Variants in GRM1 observed in about 807,000 individuals in gnomAD.
GRM1 encodes the protein metabotropic glutamate receptor 1.
In GRM1, 33 loss-of-function variants were observed where a neutral mutation model predicts 90.9. The observed-to-expected ratio is 0.36, with a 90% CI of 0.28 to 0.49. The LOEUF (loss-of-function observed/expected upper bound fraction) is 0.49, where lower values mean the gene tolerates loss of function less well. Among genes scored for constraint, GRM1 ranks in the 20% least tolerant of loss-of-function variants. GRM1 has a pLI of 0.99. For synonymous variants in GRM1, 700 were observed against 613.2 expected (o/e 1.14, Z -2.09); for missense variants, 1,190 against 1,534.3 (o/e 0.78, Z 3.75).
chr6:146,081,492 A>G (rs1776363058), intron 1 of GRM1, among the ~76,000 whole-genome samples: 1 of 152,140 alleles, frequency 6.6e-6, no homozygotes, highest in Non-Finnish European at 1.5e-5. Context: ...GCTTGGGGAC[A>G]TGTCACGGCA....
intron 3 of GRM1, among the ~76,000 whole-genome samples, chr6:146,333,562 T>C (rs1403699166): frequency 2.0e-5 from 3 of 152,168 alleles, no homozygotes; most frequent in African/African-American, 4.8e-5. Context: ...ATGACAGTTA[T>C]ATCTTACTCT....
chr6:146,265,443 G>A (rs917875190), intron 2 of GRM1, among the ~76,000 whole-genome samples: 6 of 152,288 alleles, frequency 3.9e-5, no homozygotes, highest in Admixed American at 2.6e-4. Context: ...TTTGTCAGAT[G>A]TATAATATGC....
At chr6:146,167,047 C>T (rs1777935143) in intron 2 of GRM1, among the ~76,000 whole-genome samples, 1 of 152,104 alleles carries the variant, frequency 6.6e-6, no homozygotes. Flanking sequence ...CTTAGTACCG[C>T]CTTGCAGTCT....
At chr6:146,397,061 G>A (rs575548200) in intron 6 of GRM1, among the ~76,000 whole-genome samples, 78 of 152,184 alleles carry the variant, frequency 5.1e-4, no homozygotes, top group Non-Finnish European at 1.0e-3. Flanking sequence ...AGGGGGTCCA[G>A]TGAGTGACCC....
At chr6:146,391,635 G>A (rs1776726796) in intron 6 of GRM1, among the ~76,000 whole-genome samples, 1 of 151,692 alleles carries the variant, frequency 6.6e-6, no homozygotes, top group South Asian at 2.1e-4. Context: ...TGACATTACA[G>A]CTAATTCCCT....
chr6:146,198,653 A>C (rs1474443114), intron 2 of GRM1, among the ~76,000 whole-genome samples: 1 of 152,164 alleles, frequency 6.6e-6, no homozygotes, highest in African/African-American at 2.4e-5. Context: ...CATCACAAGC[A>C]CCTACTTAAA....
intron 1 of GRM1, among the ~76,000 whole-genome samples, chr6:146,107,087 C>T (rs1233723024): frequency 6.6e-6 from 1 of 152,162 alleles, no homozygotes; most frequent in Non-Finnish European, 1.5e-5. Flanking sequence ...TGCAATCTCT[C>T]CCTTGACATC....
intron 5 of GRM1, among the ~76,000 whole-genome samples, chr6:146,363,539 T>C (rs1213508462): frequency 6.6e-6 from 1 of 152,218 alleles, no homozygotes; most frequent in Non-Finnish European, 1.5e-5. Flanking sequence ...AAGGTGAAAG[T>C]TGATCTCTAG....
chr6:146,064,255 A>G (rs923631210), intron 1 of GRM1, among the ~76,000 whole-genome samples: 4 of 152,214 alleles, frequency 2.6e-5, no homozygotes, highest in East Asian at 1.9e-4. Flanking sequence ...ATGTGTATCA[A>G]AAGTATAATT....
Position 146,029,500 on chromosome 6 carries a change from G to T in GRM1, c.-18G>T. 1 of 1,600,052 alleles carries T rather than the reference G, an allele frequency of 6.2e-7. No individual in the cohort carries two copies. The highest frequency in any genetic ancestry group is 1.1e-5 in the South Asian group (1 of 90,788). On this transcript the variant is annotated 5_prime_UTR_variant, in exon 1 of 8. Transcript: ENST00000282753. Reference sequence around the variant, plus strand: ...GTGGGAACGCGGCTGGCAGGCTGTGGACCTCGTCCTCACCACCATGGTCGG... The same window carrying T: ...GTGGGAACGCGGCTGGCAGGCTGTGTACCTCGTCCTCACCACCATGGTCGG...
intron 2 of GRM1, among the ~76,000 whole-genome samples, chr6:146,184,598 G>C (rs1759472858): frequency 6.6e-6 from 1 of 152,128 alleles, no homozygotes; most frequent in Non-Finnish European, 1.5e-5. Flanking sequence ...CCTGTGGTAA[G>C]CAAAGCACAG....
At chr6:146,432,997 A>C (rs1335452860) in intron 7 of GRM1, among the ~76,000 whole-genome samples, 1 of 152,234 alleles carries the variant, frequency 6.6e-6, no homozygotes, top group African/African-American at 2.4e-5. Flanking sequence ...TTTTCGTCTC[A>C]GTAACTGCTG....
intron 3 of GRM1, among the ~76,000 whole-genome samples, chr6:146,336,771 A>G (rs984779447): frequency 1.3e-5 from 2 of 152,142 alleles, no homozygotes; most frequent in African/African-American, 4.8e-5. Context: ...CCCATCTTGA[A>G]CCCAGTTCCA....
intron 1 of GRM1, among the ~76,000 whole-genome samples, chr6:146,113,769 A>C (rs1775646852): frequency 6.6e-6 from 1 of 152,322 alleles, no homozygotes; most frequent in South Asian, 2.1e-4. Context: ...AAATAAAAAT[A>C]TGATTCATTT....
intron 3 of GRM1, among the ~76,000 whole-genome samples, chr6:146,320,523 T>A (rs1784142159): frequency 6.6e-6 from 1 of 152,170 alleles, no homozygotes; most frequent in Admixed American, 6.5e-5. Context: ...TTGTTTGGAA[T>A]ATTTTCAGAA....
At chr6:146,038,487 CATT>C (rs142866900) in intron 1 of GRM1, among the ~76,000 whole-genome samples, 112 of 152,102 alleles carry the variant, frequency 7.4e-4, no homozygotes, top group African/African-American at 2.6e-3. Context: ...TGTAAGATGT[CATT>C]ATTGTTGTCA....
At chr6:146,054,143 A>G (rs757849559) in intron 1 of GRM1, among the ~76,000 whole-genome samples, 6 of 152,108 alleles carry the variant, frequency 3.9e-5, no homozygotes, top group Admixed American at 6.6e-5. Context: ...TTAGATACTC[A>G]TGATTTGTTG....
At chr6:146,296,067 T>C (rs1783168223) in intron 2 of GRM1, among the ~76,000 whole-genome samples, 2 of 152,256 alleles carry the variant, frequency 1.3e-5, no homozygotes, top group Admixed American at 6.5e-5. Context: ...TTCTGTTTTA[T>C]GGCTGCATAG....
intron 1 of GRM1, among the ~76,000 whole-genome samples, chr6:146,117,435 C>T (rs1183024487): frequency 6.6e-6 from 1 of 151,644 alleles, no homozygotes; most frequent in Non-Finnish European, 1.5e-5. Context: ...TTTTATTGAC[C>T]TATTTGTTTA....
Sources: gnomAD v4.1 joint callset for allele counts (sites outside exome capture counted in the v4.1 genomes callset) on GRCh38, gnomAD v4.1.1 for gene constraint, MANE v1.5 for transcripts, NCBI Gene and HGNC (gene_info 2026-07-23, HGNC 2026-07-21) for gene names.